Variants in GLRA3 observed in about 807,000 individuals in gnomAD.
GLRA3 encodes glycine receptor subunit alpha-3.
In GLRA3, 44 loss-of-function variants were observed where a neutral mutation model predicts 60.4. That is an observed-to-expected ratio of 0.73 (90% CI 0.57 to 0.94). GLRA3 has a LOEUF of 0.94. Among genes scored for constraint, GLRA3 ranks in the 40% least tolerant of loss-of-function variants. GLRA3 has a pLI of 0.00. For missense variants in GLRA3, 508 were observed against 564.6 expected (o/e 0.90, Z 1.02); for synonymous variants, 223 against 192.9 (o/e 1.16, Z -1.29).
At chr4:174,740,588 T>C (rs554122586) in intron 3 of GLRA3, among the ~76,000 whole-genome samples, 11 of 152,340 alleles carry the variant, frequency 7.2e-5, no homozygotes, top group African/African-American at 2.6e-4. Flanking sequence ...ATAAAATTGG[T>C]GTTGTTTTAA....
chr4:174,810,329 G>T (rs1740212698), intron 1 of GLRA3, among the ~76,000 whole-genome samples: 1 of 151,958 alleles, frequency 6.6e-6, no homozygotes, highest in African/African-American at 2.4e-5. Context: ...ATTAGCGGTG[G>T]GGAGAGGCAA....
chr4:174,728,687 C>A lies in GLRA3; in HGVS notation c.279G>T (p.Val93=). The change falls in exon 4 of 10, where the codon GTG becomes GTT. Residue 93 remains valine (V), a synonymous_variant. Coordinates refer to ENST00000274093, the MANE Select transcript of GLRA3 (RefSeq NM_006529.4). The part of the protein sequence containing the change: ...SIAETTMDYR[V]NIFLRQKWND... ...TCCATTTCTGACGAAGAAAGATATTCACTCTGTAATCCTATGATAAAATAA... is the reference window on the plus strand; with the variant it reads ...TCCATTTCTGACGAAGAAAGATATTAACTCTGTAATCCTATGATAAAATAA... The A allele has an allele frequency of 6.4e-7, 1 of 1,570,288 alleles. No individual in the cohort carries two copies. The highest frequency in any genetic ancestry group is 1.7e-5 in the Admixed American group (1 of 59,100).
intron 5 of GLRA3, among the ~76,000 whole-genome samples, chr4:174,690,066 G>A (rs1358049919): frequency 1.3e-5 from 2 of 152,130 alleles, no homozygotes; most frequent in African/African-American, 4.8e-5. Flanking sequence ...GTAACTGGCG[G>A]CCATTATCCT....
At position 174,641,095 on chromosome 4, in the gene GLRA3, A is replaced by T. The variant is rs2110827668; in HGVS notation, c.*2691T>A. On this transcript the variant is annotated 3_prime_UTR_variant, in exon 10 of 10. Transcript: ENST00000274093. ...AAATTCATATGCTATGGAATCAAAT[A>T]TTTCAATGATTGACATACAAATAAT... 6.6e-6 allele frequency: 1 copy of T among 152,218 alleles called. No homozygotes were observed. The highest frequency in any genetic ancestry group is 3.4e-3 in the Middle Eastern group (1 of 294). The allele number at this position is 152,218 out of a possible 1,614,324, so 9.4% of individuals were successfully genotyped here. A position where few individuals can be genotyped will look rare whatever the true frequency, so the allele number is the denominator to read the frequency against.
intron 1 of GLRA3, among the ~76,000 whole-genome samples, chr4:174,800,612 C>A (rs965398938): frequency 5.9e-5 from 9 of 152,010 alleles, no homozygotes; most frequent in African/African-American, 2.2e-4. Context: ...CCCCCCCCGC[C>A]AAAAAAACTT....
chr4:174,779,130 G>T (rs1057251593), intron 2 of GLRA3, among the ~76,000 whole-genome samples: 1 of 152,210 alleles, frequency 6.6e-6, no homozygotes, highest in Non-Finnish European at 1.5e-5. Context: ...ATCTGAGAAC[G>T]GGCAGACTGC....
chr4:174,799,684 A>G (rs1739728984), intron 1 of GLRA3, among the ~76,000 whole-genome samples: 1 of 152,200 alleles, frequency 6.6e-6, no homozygotes, highest in South Asian at 2.1e-4. Flanking sequence ...AATCCTCTCA[A>G]TTTCCAAAGC....
At chr4:174,780,545 C>A (rs1162293227) in intron 2 of GLRA3, among the ~76,000 whole-genome samples, 2 of 146,618 alleles carry the variant, frequency 1.4e-5, no homozygotes, top group African/African-American at 5.1e-5. Context: ...CAAGACCCAT[C>A]AGTGTGCTGT....
At chr4:174,761,650 G>A (rs1268186770) in intron 3 of GLRA3, among the ~76,000 whole-genome samples, 1 of 152,164 alleles carries the variant, frequency 6.6e-6, no homozygotes, top group Non-Finnish European at 1.5e-5. Context: ...AAGATGGAGA[G>A]TCATCTGTTT....
intron 1 of GLRA3, among the ~76,000 whole-genome samples, chr4:174,812,379 T>C (rs78661531): frequency 0.014 from 2,103 of 152,222 alleles, 55 homozygotes; most frequent in African/African-American, 0.048. Flanking sequence ...ATTCAGATTA[T>C]GGTAGATATT....
intron 3 of GLRA3, among the ~76,000 whole-genome samples, chr4:174,762,765 A>G (rs1737988198): frequency 1.3e-5 from 2 of 152,160 alleles, no homozygotes; most frequent in African/African-American, 4.8e-5. Context: ...CATAACATAC[A>G]CAAGTCTGCA....
At chr4:174,817,672 A>G (rs1438006999) in intron 1 of GLRA3, among the ~76,000 whole-genome samples, 1 of 152,146 alleles carries the variant, frequency 6.6e-6, no homozygotes, top group Non-Finnish European at 1.5e-5. Flanking sequence ...CAGTGTCACT[A>G]TCTCGGCTCA....
At chr4:174,746,158 A>G (rs1317496274) in intron 3 of GLRA3, among the ~76,000 whole-genome samples, 1 of 152,202 alleles carries the variant, frequency 6.6e-6, no homozygotes, top group African/African-American at 2.4e-5. Flanking sequence ...ATCCAAAGGA[A>G]AATAATTCAG....
intron 3 of GLRA3, among the ~76,000 whole-genome samples, chr4:174,764,627 C>T (rs1418073321): frequency 6.7e-6 from 1 of 149,242 alleles, no homozygotes; most frequent in African/African-American, 2.4e-5. Flanking sequence ...AATACATTAA[C>T]ACATATATTA....
chr4:174,649,571 G>T (rs1368414457), intron 9 of GLRA3, among the ~76,000 whole-genome samples: 1 of 152,122 alleles, frequency 6.6e-6, no homozygotes, highest in Non-Finnish European at 1.5e-5. Context: ...CTCTGATTAA[G>T]GGAATGGCGC....
At chr4:174,708,101 GA>G (rs1360847287) in intron 5 of GLRA3, among the ~76,000 whole-genome samples, 2 of 152,110 alleles carry the variant, frequency 1.3e-5, no homozygotes, top group African/African-American at 2.4e-5. Flanking sequence ...CAGCAAACAA[GA>G]ACCATCTGTA....
chr4:174,815,532 AG>A (rs1480792397), intron 1 of GLRA3, among the ~76,000 whole-genome samples: 1 of 152,210 alleles, frequency 6.6e-6, no homozygotes, highest in Non-Finnish European at 1.5e-5. Flanking sequence ...CTCATCATCC[AG>A]GCATTTCCAT....
chr4:174,688,122 G>GA (rs901878576), intron 5 of GLRA3, among the ~76,000 whole-genome samples: 7 of 150,530 alleles, frequency 4.7e-5, no homozygotes, highest in Admixed American at 2.0e-4. Flanking sequence ...TGTGTTTACA[G>GA]AAAAAAAAGG....
intron 9 of GLRA3, among the ~76,000 whole-genome samples, chr4:174,655,026 G>A (rs1445353134): frequency 2.0e-5 from 3 of 152,122 alleles, no homozygotes; most frequent in African/African-American, 4.8e-5. Flanking sequence ...AACTTTCCTA[G>A]GAATAATAAT....
Sources: gnomAD v4.1 joint callset for allele counts (sites outside exome capture counted in the v4.1 genomes callset) on GRCh38, gnomAD v4.1.1 for gene constraint, MANE v1.5 for transcripts, NCBI Gene and HGNC (gene_info 2026-07-23, HGNC 2026-07-21) for gene names.